Variants in DCUN1D4 observed in about 807,000 individuals in gnomAD.
The protein encoded by DCUN1D4 is DCN1-like protein 4.
Under a neutral mutation model 47.9 loss-of-function variants are expected in DCUN1D4, and 22 were observed. The observed-to-expected ratio is 0.46, with a 90% CI of 0.33 to 0.66. DCUN1D4 has a LOEUF of 0.66. Among genes scored for constraint, DCUN1D4 ranks in the 30% least tolerant of loss-of-function variants. DCUN1D4 has a pLI of 0.02. For missense variants in DCUN1D4, 301 were observed against 340.8 expected (o/e 0.88, Z 0.92); for synonymous variants, 121 against 112.2 (o/e 1.08, Z -0.50).
intron 8 of DCUN1D4, 191 bp from the exon 9 acceptor site, chr4:51,910,879 T>C: frequency 1.7e-6 from 1 of 580,236 alleles, no homozygotes; most frequent in East Asian, 3.0e-5. Context: ...TTATATAATA[T>C]CGTAATGCCC....
intron 3 of DCUN1D4, among the ~76,000 whole-genome samples, chr4:51,873,116 TC>T (rs1451140436): frequency 6.6e-6 from 1 of 152,158 alleles, no homozygotes; most frequent in African/African-American, 2.4e-5. Flanking sequence ...TGACTGCAGA[TC>T]ATTCAGTCCC....
the DCUN1D4 span, among the ~76,000 whole-genome samples, chr4:51,834,087 T>TCTC: frequency 8.1e-6 from 1 of 123,696 alleles, no homozygotes; most frequent in Admixed American, 7.9e-5. Context: ...TCTCTCTCTC[T>TCTC]TTTCTTTTCT....
chr4:51,877,638 G>A (rs1287978233), intron 4 of DCUN1D4, 125 bp from the exon 5 acceptor site: 11 of 634,154 alleles, frequency 1.7e-5, no homozygotes, highest in Middle Eastern at 4.6e-4. Flanking sequence ...GAAATAAAAC[G>A]TTTAAAATAT....
In DCUN1D4 at chr4:51,916,732, C is replaced by T. The variant is rs1734360016; in HGVS notation, c.*3148C>T. ...TGTGACTCCCAGCTTAACTGAAATA[C>T]TGTTATGCCACCTAACTTGAGTACA... On this transcript the variant is annotated 3_prime_UTR_variant, in exon 11 of 11. Coordinates refer to ENST00000334635, the MANE Select transcript of DCUN1D4 (RefSeq NM_001040402.3). The T allele has an allele frequency of 2.0e-5, 3 of 152,560 alleles. No homozygotes were observed. The South Asian group carries it at 6.2e-4, about 32-fold the overall frequency. The allele number at this position is 152,560 out of a possible 1,614,324, so 9.5% of individuals were successfully genotyped here.
At chr4:51,837,478 A>G in the DCUN1D4 span, among the ~76,000 whole-genome samples, 2 of 151,614 alleles carry the variant, frequency 1.3e-5, no homozygotes, top group African/African-American at 4.8e-5. Flanking sequence ...CCACGGTGAA[A>G]CCCCGTCTCT....
intron 5 of DCUN1D4, among the ~76,000 whole-genome samples, chr4:51,883,898 A>G (rs1729070688): frequency 6.6e-6 from 1 of 151,594 alleles, no homozygotes; most frequent in Non-Finnish European, 1.5e-5. Context: ...GAAACTTTGT[A>G]TCATGTTTAT....
intron 1 of DCUN1D4, among the ~76,000 whole-genome samples, chr4:51,846,535 C>T (rs1369475888): frequency 1.3e-5 from 2 of 152,178 alleles, no homozygotes; most frequent in African/African-American, 4.8e-5. Flanking sequence ...TTACCTTCTT[C>T]CTGGCTACGT....
intron 9 of DCUN1D4, among the ~76,000 whole-genome samples, chr4:51,912,612 G>A (rs149747276): frequency 1.3e-5 from 2 of 152,294 alleles, no homozygotes; most frequent in East Asian, 3.9e-4. Context: ...CAGGGATACT[G>A]TATTTTTAAA....
rs568760867 is a variant in DCUN1D4, at chr4:51,845,316, T to C, written c.25+2049T>C. ...CTTGGGGTGTTTGAAAAAATAACTG[T>C]CTTGAAATGAGTGATGGAGGTGGGT... is the stretch of plus-strand genomic sequence containing the variant. On this transcript the variant is annotated intron_variant, in intron 1 of 10. Transcript: ENST00000334635. 2.1e-4 allele frequency: 201 copies of C among 977,298 alleles called. No homozygotes were observed. In the African/African-American group the frequency reaches 3.3e-3, roughly 16 times the overall value. 60.5% of individuals were successfully genotyped at this position (977,298 alleles called of 1,614,324 possible).
intron 8 of DCUN1D4, among the ~76,000 whole-genome samples, chr4:51,901,982 A>T (rs1432927375): frequency 6.6e-6 from 1 of 152,010 alleles, no homozygotes; most frequent in African/African-American, 2.4e-5. Context: ...ACAGATTTTG[A>T]GATGTTATAT....
chr4:51,844,236 T>C, intron 1 of DCUN1D4: 3 of 734,850 alleles, frequency 4.1e-6, no homozygotes, highest in Non-Finnish European at 4.9e-6. Context: ...AGACTGTGCT[T>C]AGGGGAGGTA....
intron 1 of DCUN1D4, chr4:51,844,291 A>C: frequency 1.0e-6 from 1 of 976,128 alleles, no homozygotes; most frequent in Non-Finnish European, 1.2e-6. Context: ...GGGGGAGTCC[A>C]AGCTTCGGGG....
At chr4:51,883,286 A>G (rs756615010) in intron 5 of DCUN1D4, among the ~76,000 whole-genome samples, 9 of 152,218 alleles carry the variant, frequency 5.9e-5, no homozygotes, top group Non-Finnish European at 1.0e-4. Flanking sequence ...AAAAAGGTCC[A>G]GGAGGATACT....
intron 5 of DCUN1D4, 76 bp downstream of exon 5, chr4:51,877,930 A>ATTTGTTGC: frequency 9.7e-7 from 1 of 1,036,104 alleles, no homozygotes; most frequent in Non-Finnish European, 1.4e-6. Flanking sequence ...TAAAGAATTT[A>ATTTGTTGC]AAAATGTGTA....
chr4:51,855,298 A>G (rs1470033890), intron 1 of DCUN1D4, among the ~76,000 whole-genome samples: 1 of 152,122 alleles, frequency 6.6e-6, no homozygotes. Flanking sequence ...TTATTATTAG[A>G]TTGTGGTGAT....
Position 51,874,288 on chromosome 4 carries a change from A to G in DCUN1D4, c.154A>G (p.Ser52Gly), listed in dbSNP as rs759943880. Residue 52 changes from serine to glycine, a missense_variant, in exon 4 of 11, where the codon AGT becomes GGT. Ser to Gly is a moderately conservative substitution (Grantham distance 56). This residue lies in a region of DCUN1D4 where 131 missense variants were observed against 106.3 expected (regional missense o/e 1.23). Transcript: ENST00000334635. ...DHQTGSLRSC[S>G]SSDCFNKVMP... ...TTTTGTAGGAAGTCTGCGGTCTTGC[A>G]GTTCTTCAGACTGCTTTAATAAAGT... 1.6e-5 allele frequency: 25 copies of G among 1,611,806 alleles called. No homozygotes were observed. The highest frequency in any genetic ancestry group is 2.1e-5 in the Non-Finnish European group (25 of 1,179,306).
chr4:51,901,310 A>G (rs1010787595), intron 8 of DCUN1D4, among the ~76,000 whole-genome samples: 1 of 152,178 alleles, frequency 6.6e-6, no homozygotes, highest in African/African-American at 2.4e-5. Context: ...ACAGAGTAAG[A>G]AAGTGCGCTT....
upstream of DCUN1D4, among the ~76,000 whole-genome samples, chr4:51,842,357 A>G (rs1721738660): frequency 6.6e-6 from 1 of 152,184 alleles, no homozygotes; most frequent in Non-Finnish European, 1.5e-5. Flanking sequence ...GTGACGGACA[A>G]TGCTCGTGGC....
At chr4:51,879,355 C>T (rs1728177683) in intron 5 of DCUN1D4, among the ~76,000 whole-genome samples, 1 of 152,128 alleles carries the variant, frequency 6.6e-6, no homozygotes, top group Non-Finnish European at 1.5e-5. Context: ...GTCTGAAATC[C>T]CAGCACTTTG....
Sources: allele counts gnomAD v4.1 joint callset (sites outside exome capture counted in the v4.1 genomes callset), GRCh38; gene constraint gnomAD v4.1.1; regional missense constraint gnomAD v4.1.1; transcripts MANE v1.5; gene names NCBI Gene and HGNC (gene_info 2026-07-23, HGNC 2026-07-21).